CEP112: variants seen among roughly 807,000 people sequenced by gnomAD.
The protein encoded by CEP112 is centrosomal protein 112, also known as centrosomal protein of 112 kDa.
In CEP112, 127 loss-of-function variants were observed where a neutral mutation model predicts 153.0. That is an observed-to-expected ratio of 0.83 (90% confidence interval 0.72 to 0.96). CEP112 has a LOEUF of 0.96. Among genes scored for constraint, CEP112 ranks in the 40% least tolerant of loss-of-function variants. CEP112 has a pLI of 0.00. For synonymous variants in CEP112, 358 were observed against 374.4 expected (o/e 0.96, Z 0.51); for missense variants, 1,089 against 1,101.2 (o/e 0.99, Z 0.16).
Position 65,951,749 on chromosome 17 carries a change from C to CCCCCCGCCG in CEP112, c.1872+9713_1872+9714insCGGCGGGGG, listed in dbSNP as rs71160510. Among the ~76,000 whole-genome samples, 3 of 106,148 alleles carry CCCCCCGCCG rather than the reference C, an allele frequency of 2.8e-5. 1 individual carries two copies. The highest frequency in any genetic ancestry group is 3.9e-4 in the East Asian group (1 of 2,558). The allele number at this position is 106,148 out of a possible 152,430, so 69.6% of individuals were successfully genotyped here. ...TCTGCTCTAATCTTCCCCCGCCCCC[C>CCCCCCGCCG]CCTTTCTTCCACTTGCTTAGAAGCT... On this transcript the variant is annotated intron_variant, in intron 18 of 26. Coordinates refer to ENST00000535342, the MANE Select transcript of CEP112 (RefSeq NM_001199165.4).
intron 6 of CEP112, among the ~76,000 whole-genome samples, chr17:66,108,126 C>T (rs991279686): frequency 7.9e-5 from 12 of 152,074 alleles, no homozygotes; most frequent in African/African-American, 2.7e-4. Context: ...AGCCCTATCC[C>T]TTGTCATACA....
intron 21 of CEP112, among the ~76,000 whole-genome samples, chr17:65,752,887 T>C (rs971254346): frequency 6.6e-6 from 1 of 152,196 alleles, no homozygotes; most frequent in African/African-American, 2.4e-5. Context: ...TGAAAAAATA[T>C]ATAGTATAAA....
At chr17:66,085,841 G>A (rs2067904192) in intron 8 of CEP112, among the ~76,000 whole-genome samples, 1 of 152,098 alleles carries the variant, frequency 6.6e-6, no homozygotes, top group Non-Finnish European at 1.5e-5. Flanking sequence ...GCCGGGCATG[G>A]TGGCGCACAC....
At chr17:65,949,734 C>T (rs867688861) in intron 18 of CEP112, among the ~76,000 whole-genome samples, 1 of 152,004 alleles carries the variant, frequency 6.6e-6, no homozygotes, top group South Asian at 2.1e-4. Flanking sequence ...AGGAGTGGAC[C>T]AATTAAAAGG....
chr17:66,062,478 A>G (rs755422688), intron 11 of CEP112, among the ~76,000 whole-genome samples: 30 of 152,140 alleles, frequency 2.0e-4, no homozygotes, highest in Non-Finnish European at 3.5e-4. Flanking sequence ...ATCAGTATAT[A>G]AAGTATCTAT....
chr17:65,688,640 T>C (rs1456962708), intron 24 of CEP112: 1 of 155,612 alleles, frequency 6.4e-6, no homozygotes, highest in African/African-American at 2.4e-5. Flanking sequence ...GGGAGAGTCA[T>C]GAGAATGCTT....
chr17:65,981,479 T>G (rs2063223703), intron 17 of CEP112, among the ~76,000 whole-genome samples: 1 of 152,240 alleles, frequency 6.6e-6, no homozygotes, highest in African/African-American at 2.4e-5. Context: ...CCTTTAAAAT[T>G]TAACACACAG....
At chr17:65,813,750 T>A (rs1039599888) in intron 21 of CEP112, among the ~76,000 whole-genome samples, 1 of 152,224 alleles carries the variant, frequency 6.6e-6, no homozygotes. Context: ...ATTAGGCCAA[T>A]ACACCTGTAT....
Position 65,703,825 on chromosome 17 carries a change from A to C in CEP112, c.2608-14607T>G, listed in dbSNP as rs574630634. On this transcript the variant is annotated intron_variant, in intron 23 of 26. Transcript: ENST00000535342. ...CAAATTAAAATGTACAAAAAAAAAA[A>C]CCCAGAAAAACAAGTTTTTGTGTCA... 1.5e-3 allele frequency among the ~76,000 whole-genome samples: 218 copies of C among 144,494 alleles called. 1 individual carries two copies. The highest frequency in any genetic ancestry group is 4.0e-3 in the African/African-American group (153 of 38,224). The allele number at this position is 144,494 out of a possible 152,430, so 94.8% of individuals were successfully genotyped here.
chr17:66,016,204 G>GAA (rs1248725252), intron 16 of CEP112, among the ~76,000 whole-genome samples: 1 of 152,050 alleles, frequency 6.6e-6, no homozygotes, highest in Non-Finnish European at 1.5e-5. Flanking sequence ...ATTTTCAGGA[G>GAA]AAACTCCTTC....
chr17:65,932,300 A>G (rs950719180), intron 18 of CEP112, among the ~76,000 whole-genome samples: 1 of 152,236 alleles, frequency 6.6e-6, no homozygotes, highest in Non-Finnish European at 1.5e-5. Context: ...AGGCCAAAAG[A>G]GGAAGCCAAT....
chr17:65,831,416 G>A (rs2057074649), intron 21 of CEP112, among the ~76,000 whole-genome samples: 1 of 152,050 alleles, frequency 6.6e-6, no homozygotes, highest in Admixed American at 6.5e-5. Flanking sequence ...AATTAGCTGG[G>A]CGTGGTGGTG....
chr17:66,059,784 T>G (rs561100849), intron 11 of CEP112, among the ~76,000 whole-genome samples: 2 of 152,222 alleles, frequency 1.3e-5, no homozygotes, highest in Admixed American at 1.3e-4. Flanking sequence ...GACCCAACAA[T>G]CCCATTACTG....
intron 17 of CEP112, among the ~76,000 whole-genome samples, chr17:65,965,910 GA>G (rs2062398424): frequency 6.6e-6 from 1 of 152,178 alleles, no homozygotes; most frequent in African/African-American, 2.4e-5. Context: ...ACATGGTAAT[GA>G]AGCAGAAATG....
chr17:65,641,030 C>A lies in CEP112; in HGVS notation c.2733G>T (p.Leu911Phe). The change falls in exon 25 of 27, where the codon TTG becomes TTT. Residue 911 changes from leucine (L) to phenylalanine (F), a missense_variant. Transcript: ENST00000535342. Reference sequence around the variant, plus strand: ...TTAGGGATGCTGGCATCAATCCTTTCAATTTTGTTTCATATTCTTGTCGTA... The same window carrying A: ...TTAGGGATGCTGGCATCAATCCTTTAAATTTTGTTTCATATTCTTGTCGTA... ...TYIRQEYETKLKGLMPASLRQ... is the reference protein window; with the variant it reads ...TYIRQEYETKFKGLMPASLRQ... 6.2e-7 allele frequency: 1 copy of A among 1,610,788 alleles called. No homozygotes were observed. The highest frequency in any genetic ancestry group is 8.5e-7 in the Non-Finnish European group (1 of 1,177,176).
At chr17:65,687,096 G>GTGTTC (rs2047835884) in intron 24 of CEP112, among the ~76,000 whole-genome samples, 1 of 150,792 alleles carries the variant, frequency 6.6e-6, no homozygotes, top group Non-Finnish European at 1.5e-5. Context: ...GAACCAGTAT[G>GTGTTC]TGTAACATTT....
At chr17:65,750,151 G>A (rs116657063) in intron 22 of CEP112, among the ~76,000 whole-genome samples, 421 of 152,336 alleles carry the variant, frequency 2.8e-3, no homozygotes, top group African/African-American at 9.6e-3. Flanking sequence ...CAAATAGCAA[G>A]TTATGGATGT....
chr17:66,050,273 C>T (rs1479990232), intron 12 of CEP112, among the ~76,000 whole-genome samples: 1 of 152,062 alleles, frequency 6.6e-6, no homozygotes, highest in African/African-American at 2.4e-5. Context: ...ATATTAGTGA[C>T]TTAATTTTTT....
intron 21 of CEP112, among the ~76,000 whole-genome samples, chr17:65,781,250 T>C (rs146348921): frequency 1.5e-3 from 229 of 152,224 alleles, no homozygotes; most frequent in African/African-American, 4.7e-3. Flanking sequence ...AAATCAGGAA[T>C]GCAATCTCAT....
Sources: gnomAD v4.1 joint callset for allele counts (sites outside exome capture counted in the v4.1 genomes callset) on GRCh38, gnomAD v4.1.1 for gene constraint, MANE v1.5 for transcripts, NCBI Gene and HGNC (gene_info 2026-07-23, HGNC 2026-07-21) for gene names.